Variants in XRCC4 observed in about 807,000 individuals in gnomAD.
XRCC4 encodes the protein X-ray repair cross complementing 4.
Under a neutral mutation model 39.1 loss-of-function variants are expected in XRCC4, and 28 were observed. The ratio of observed to expected loss-of-function variants is 0.72; its 90% CI spans 0.53 to 0.98. The LOEUF (loss-of-function observed/expected upper bound fraction) is 0.98. XRCC4 is among the 50% of genes least tolerant of loss of function. XRCC4 has a pLI of 0.00. For synonymous variants in XRCC4, 123 were observed against 126.4 expected, an observed-to-expected ratio of 0.97 and a Z score of 0.18; for missense variants, 350 against 376.4, an observed-to-expected ratio of 0.93 and a Z score of 0.58.
chr5:83,265,405 G>T (rs1753920108), intron 7 of XRCC4, among the ~76,000 whole-genome samples: 1 of 152,100 alleles, frequency 6.6e-6, no homozygotes, highest in African/African-American at 2.4e-5. Flanking sequence ...AAACGAGATA[G>T]GTTTTTATTA....
chr5:83,129,012 G>A (rs572084521), intron 3 of XRCC4, among the ~76,000 whole-genome samples: 2 of 152,196 alleles, frequency 1.3e-5, no homozygotes, highest in East Asian at 3.9e-4. Context: ...GGCTTTTGTT[G>A]CCATTGCTTT....
intron 4 of XRCC4, among the ~76,000 whole-genome samples, chr5:83,200,885 G>A (rs80006797): frequency 0.015 from 2,326 of 152,106 alleles, 36 homozygotes; most frequent in East Asian, 0.07. Context: ...TCATGCTTAC[G>A]TAACACTGAA....
At chr5:83,355,766 G>C (rs554326069), downstream of XRCC4, among the ~76,000 whole-genome samples, 2 of 152,172 alleles carry the variant, frequency 1.3e-5, no homozygotes, top group Admixed American at 1.3e-4. Flanking sequence ...CAGACACCCA[G>C]GTAGTTTTTA....
the XRCC4 span, among the ~76,000 whole-genome samples, chr5:83,373,088 T>G: frequency 1.3e-5 from 2 of 151,956 alleles, no homozygotes; most frequent in Non-Finnish European, 2.9e-5. Flanking sequence ...GTCCTTCCTT[T>G]GGTGAAAAAA....
intron 3 of XRCC4, among the ~76,000 whole-genome samples, chr5:83,140,275 G>GT (rs1748102756): frequency 6.6e-6 from 1 of 152,188 alleles, no homozygotes; most frequent in Non-Finnish European, 1.5e-5. Context: ...GAAGCTGATA[G>GT]TCTGTGGCCA....
chr5:83,210,530 A>C (rs183628216), intron 6 of XRCC4, among the ~76,000 whole-genome samples: 193 of 152,290 alleles, frequency 1.3e-3, no homozygotes, highest in African/African-American at 4.5e-3. Flanking sequence ...AGGGGAAAAT[A>C]ATGAAAAGTA....
At chr5:83,226,983 G>C (rs999683458) in intron 6 of XRCC4, among the ~76,000 whole-genome samples, 2 of 151,940 alleles carry the variant, frequency 1.3e-5, no homozygotes, top group African/African-American at 4.8e-5. Flanking sequence ...ATGTATATTA[G>C]ACTTTTCCCT....
At chr5:83,152,998 C>T (rs576113965) in intron 3 of XRCC4, among the ~76,000 whole-genome samples, 1 of 152,134 alleles carries the variant, frequency 6.6e-6, no homozygotes, top group African/African-American at 2.4e-5. Flanking sequence ...GTCACAAATA[C>T]GTTTCTATGA....
At chr5:83,090,081 C>T (rs1745353470) in intron 1 of XRCC4, among the ~76,000 whole-genome samples, 1 of 152,136 alleles carries the variant, frequency 6.6e-6, no homozygotes, top group African/African-American at 2.4e-5. Flanking sequence ...GACAGGGTTT[C>T]ACTCTGTCAC....
At chr5:83,124,008 C>T (rs894846286) in intron 3 of XRCC4, among the ~76,000 whole-genome samples, 4 of 152,132 alleles carry the variant, frequency 2.6e-5, no homozygotes, top group African/African-American at 7.2e-5. Flanking sequence ...TCAGCTTTCC[C>T]GATGATAACA....
intron 3 of XRCC4, among the ~76,000 whole-genome samples, chr5:83,140,708 T>C (rs528376040): frequency 6.6e-6 from 1 of 152,374 alleles, no homozygotes; most frequent in Admixed American, 6.5e-5. Flanking sequence ...TTTGTCTTTA[T>C]GCATATATTT....
At chr5:83,364,082 AT>A in the XRCC4 span, among the ~76,000 whole-genome samples, 3 of 152,208 alleles carry the variant, frequency 2.0e-5, no homozygotes, top group African/African-American at 7.2e-5. Context: ...AACACAAAGC[AT>A]TGTGAAAGAG....
chr5:83,354,129 T>C (rs186594062), downstream of XRCC4, among the ~76,000 whole-genome samples: 190 of 152,364 alleles, frequency 1.2e-3, no homozygotes, highest in African/African-American at 4.4e-3. Context: ...ATCCAGTGGT[T>C]GACCCATTCT....
At chr5:83,239,294 C>G (rs1752811643) in intron 6 of XRCC4, among the ~76,000 whole-genome samples, 2 of 152,064 alleles carry the variant, frequency 1.3e-5, no homozygotes, top group Admixed American at 1.3e-4. Context: ...TAACATGGTA[C>G]TTTGTCATAG....
At chr5:83,140,654 AAAAC>A (rs1411221735) in intron 3 of XRCC4, among the ~76,000 whole-genome samples, 10 of 152,246 alleles carry the variant, frequency 6.6e-5, no homozygotes, top group African/African-American at 2.4e-4. Flanking sequence ...ATCCCTGTGA[AAAAC>A]AAATTTTTAA....
intron 3 of XRCC4, among the ~76,000 whole-genome samples, chr5:83,128,967 C>A (rs1015896668): frequency 5.3e-5 from 8 of 152,260 alleles, no homozygotes; most frequent in African/African-American, 1.4e-4. Flanking sequence ...TGTGCAGAAG[C>A]TCCTTAGTTT....
chr5:83,258,732 A>T (rs1191337927), intron 7 of XRCC4, 55 bp downstream of exon 7: 10 of 1,545,050 alleles, frequency 6.5e-6, no homozygotes, highest in Non-Finnish European at 6.1e-6. Flanking sequence ...AAAATCTAGC[A>T]TATGATCTTA....
intron 1 of XRCC4, among the ~76,000 whole-genome samples, chr5:83,079,382 A>C (rs923028535): frequency 6.6e-6 from 1 of 152,136 alleles, no homozygotes; most frequent in Non-Finnish European, 1.5e-5. Context: ...GTCTTACATA[A>C]ACCCCCTACT....
intron 7 of XRCC4, among the ~76,000 whole-genome samples, chr5:83,333,455 T>C (rs1756498511): frequency 6.6e-6 from 1 of 152,222 alleles, no homozygotes; most frequent in Non-Finnish European, 1.5e-5. Context: ...TATTTTCAAG[T>C]TAATAATAAC....
Sources: allele counts gnomAD v4.1 joint callset (sites outside exome capture counted in the v4.1 genomes callset), GRCh38; gene constraint gnomAD v4.1.1; transcripts MANE v1.5; gene names NCBI Gene and HGNC (gene_info 2026-07-23, HGNC 2026-07-21).